SYN3: variants seen among roughly 807,000 people sequenced by gnomAD.
SYN3 encodes synapsin III.
SYN3 carries 35 observed loss-of-function variants against 65.8 expected under a neutral mutation model. That is an observed-to-expected ratio of 0.53 (90% CI 0.41 to 0.70). The LOEUF is 0.70. SYN3 is among the 30% of genes least tolerant of loss of function. The probability of loss-of-function intolerance (pLI) is 0.00; values close to 1 mark genes in which losing one functional copy is unlikely to be tolerated. For synonymous variants in SYN3, 270 were observed against 292.9 expected, an observed-to-expected ratio of 0.92 and a Z score of 0.80; for missense variants, 680 against 749.0, an observed-to-expected ratio of 0.91 and a Z score of 1.08.
chr22:32,865,055 C>A, intron 5 of SYN3, 51 bp from the exon 6 acceptor site: 1 of 1,455,436 alleles, frequency 6.9e-7, no homozygotes, highest in Middle Eastern at 1.7e-4. Context: ...CCCAGTATAA[C>A]AAAACCTCCC....
At chr22:32,523,584 C>T (rs556341502) in intron 12 of SYN3, among the ~76,000 whole-genome samples, 3 of 152,210 alleles carry the variant, frequency 2.0e-5, no homozygotes, top group South Asian at 4.2e-4. Flanking sequence ...TCTGGCTGCC[C>T]CATTTACCAG....
chr22:32,821,706 G>A (rs1020554758), intron 6 of SYN3, among the ~76,000 whole-genome samples: 15 of 152,166 alleles, frequency 9.9e-5, no homozygotes, highest in Admixed American at 3.3e-4. Flanking sequence ...AGCTTCCAGG[G>A]GGTGGATTCC....
chr22:32,946,177 C>A (rs1428322063), intron 3 of SYN3, among the ~76,000 whole-genome samples: 2 of 152,174 alleles, frequency 1.3e-5, no homozygotes, highest in Admixed American at 6.5e-5. Flanking sequence ...TTTGACCCAG[C>A]CATCCCATTA....
intron 6 of SYN3, among the ~76,000 whole-genome samples, chr22:32,601,905 G>T (rs925881919): frequency 1.1e-4 from 17 of 151,916 alleles, no homozygotes; most frequent in Admixed American, 2.0e-4. Context: ...AGAAATGGTA[G>T]AGGGAGTGGG....
chr22:32,520,388 T>C lies in SYN3; in HGVS notation c.1319-2054A>G, dbSNP rs566372485. Among the ~76,000 whole-genome samples, 10 of 152,066 alleles carry C rather than the reference T, an allele frequency of 6.6e-5. No individual in the cohort carries two copies. In the South Asian group the frequency reaches 2.1e-3, roughly 32 times the overall value. ...CTGGCCTCAAGCAATTCTCCCACCT[T>C]AGCCTCCCAAAGTGCTGGGATTACA... is the stretch of plus-strand genomic sequence containing the variant. On this transcript the variant is annotated intron_variant, in intron 12 of 13. Transcript: ENST00000358763.
chr22:33,044,914 C>G (rs538084382), intron 1 of SYN3, among the ~76,000 whole-genome samples: 86 of 151,342 alleles, frequency 5.7e-4, no homozygotes, highest in Non-Finnish European at 1.0e-3. Context: ...ATGATCTCGG[C>G]TCACCACAAC....
chr22:33,017,976 A>C (rs550188141), intron 1 of SYN3, among the ~76,000 whole-genome samples: 1 of 152,322 alleles, frequency 6.6e-6, no homozygotes, highest in African/African-American at 2.4e-5. Context: ...TTAGAACAAG[A>C]TTCTTGTAAG....
intron 6 of SYN3, among the ~76,000 whole-genome samples, chr22:32,612,874 T>C (rs1371969261): frequency 1.3e-5 from 2 of 152,130 alleles, no homozygotes; most frequent in African/African-American, 4.8e-5. Flanking sequence ...TGATATGGTT[T>C]GGCTCTGTGT....
At chr22:32,948,314 C>T (rs1196640908) in intron 3 of SYN3, among the ~76,000 whole-genome samples, 2 of 152,096 alleles carry the variant, frequency 1.3e-5, no homozygotes, top group Admixed American at 1.3e-4. Flanking sequence ...CTGTAGCGGG[C>T]TACTAGGAAA....
chr22:32,747,742 T>A (rs1335889182), intron 6 of SYN3, among the ~76,000 whole-genome samples: 1 of 152,186 alleles, frequency 6.6e-6, no homozygotes, highest in African/African-American at 2.4e-5. Context: ...AGTGAGTGGG[T>A]TCCAGCGCCC....
At chr22:32,867,635 C>T (rs774508696) in intron 5 of SYN3, among the ~76,000 whole-genome samples, 11 of 152,172 alleles carry the variant, frequency 7.2e-5, no homozygotes, top group Middle Eastern at 3.4e-3. Context: ...CAGGCTGGAG[C>T]GCAGTGGCGC....
At chr22:32,581,972 A>C (rs2058954189) in intron 7 of SYN3, among the ~76,000 whole-genome samples, 1 of 151,306 alleles carries the variant, frequency 6.6e-6, no homozygotes, top group African/African-American at 2.4e-5. Context: ...GATAATTTTT[A>C]TATTTTTAGT....
intron 6 of SYN3, among the ~76,000 whole-genome samples, chr22:32,755,164 T>C (rs1404794152): frequency 2.0e-5 from 3 of 152,212 alleles, no homozygotes; most frequent in Admixed American, 2.0e-4. Flanking sequence ...CAGCACTTTT[T>C]GCAAAGGTCA....
chr22:32,887,202 C>T (rs2049317753), intron 4 of SYN3, among the ~76,000 whole-genome samples: 1 of 152,008 alleles, frequency 6.6e-6, no homozygotes, highest in Non-Finnish European at 1.5e-5. Context: ...CATAGTGAGA[C>T]CTCATCTCTA....
chr22:33,023,279 T>C (rs537872531), intron 1 of SYN3, among the ~76,000 whole-genome samples: 2 of 152,288 alleles, frequency 1.3e-5, no homozygotes, highest in East Asian at 3.9e-4. Flanking sequence ...AACTGAATCA[T>C]GGGGGCAGGT....
At chr22:33,007,465 A>T (rs1253065830) in intron 1 of SYN3, among the ~76,000 whole-genome samples, 1 of 152,066 alleles carries the variant, frequency 6.6e-6, no homozygotes, top group Non-Finnish European at 1.5e-5. Flanking sequence ...CACCAAATTT[A>T]TATGTTGAAG....
At chr22:32,819,015 C>T (rs1435599359) in intron 6 of SYN3, among the ~76,000 whole-genome samples, 2 of 152,258 alleles carry the variant, frequency 1.3e-5, no homozygotes, top group South Asian at 2.1e-4. Context: ...AACCTCGAGG[C>T]TGGCCTCTGC....
At chr22:32,739,583 G>A (rs1322951541) in intron 6 of SYN3, among the ~76,000 whole-genome samples, 10 of 152,198 alleles carry the variant, frequency 6.6e-5, no homozygotes, top group Non-Finnish European at 1.5e-5. Flanking sequence ...CCACACAGGT[G>A]TGGCTGTACC....
At chr22:32,745,864 G>A (rs948531257) in intron 6 of SYN3, among the ~76,000 whole-genome samples, 2 of 152,192 alleles carry the variant, frequency 1.3e-5, no homozygotes, top group Non-Finnish European at 2.9e-5. Context: ...GGATCAAAAG[G>A]CAGGAAAGAG....
Sources: gnomAD v4.1 joint callset for allele counts (sites outside exome capture counted in the v4.1 genomes callset) on GRCh38, gnomAD v4.1.1 for gene constraint, MANE v1.5 for transcripts, NCBI Gene and HGNC (gene_info 2026-07-23, HGNC 2026-07-21) for gene names.